Variants in MYO16 observed in about 807,000 individuals in gnomAD.
MYO16 encodes the protein unconventional myosin-XVI.
A neutral mutation model predicts 205.3 loss-of-function variants in MYO16; 94 were observed. That is an observed-to-expected ratio of 0.46 (90% CI 0.39 to 0.54). MYO16 has a LOEUF of 0.54. Among genes scored for constraint, MYO16 ranks in the 20% least tolerant of loss-of-function variants. The pLI is 0.00. For synonymous variants in MYO16, 988 were observed against 954.0 expected (o/e 1.04, Z -0.66); for missense variants, 2,315 against 2,387.5 (o/e 0.97, Z 0.63).
chr13:109,119,140 A>T (rs1265369435), intron 28 of MYO16, among the ~76,000 whole-genome samples: 1 of 152,226 alleles, frequency 6.6e-6, no homozygotes, highest in Non-Finnish European at 1.5e-5. Context: ...CTCCATTTTC[A>T]TATGAAATGG....
At chr13:108,955,580 C>T (rs1453182502) in intron 16 of MYO16, among the ~76,000 whole-genome samples, 2 of 152,152 alleles carry the variant, frequency 1.3e-5, no homozygotes, top group South Asian at 2.1e-4. Flanking sequence ...TCCAGCCAGG[C>T]GCGGTGGCTC....
the MYO16 span, among the ~76,000 whole-genome samples, chr13:108,508,022 T>C: frequency 7.9e-5 from 12 of 152,198 alleles, no homozygotes; most frequent in African/African-American, 2.4e-4. Flanking sequence ...GTTAATATTC[T>C]CTTTTTGTTC....
chr13:109,052,549 A>G (rs1887280179), intron 25 of MYO16, 74 bp downstream of exon 25: 2 of 1,187,474 alleles, frequency 1.7e-6, no homozygotes, highest in Admixed American at 2.3e-5. Context: ...TTTTTAAAAA[A>G]AAGCACAATT....
chr13:108,603,193 G>T (rs767916755), intron 1 of MYO16, among the ~76,000 whole-genome samples: 3 of 152,186 alleles, frequency 2.0e-5, no homozygotes, highest in Non-Finnish European at 4.4e-5. Context: ...TCATGATTGT[G>T]TTGGAGATGA....
intron 32 of MYO16, among the ~76,000 whole-genome samples, chr13:109,161,092 G>A (rs1043243152): frequency 3.3e-5 from 5 of 152,170 alleles, no homozygotes; most frequent in South Asian, 2.1e-4. Flanking sequence ...GTTTATGAGC[G>A]GAGGCTGATG....
chr13:108,910,223 A>C, intron 16 of MYO16, 73 bp downstream of exon 16: 1 of 1,463,276 alleles, frequency 6.8e-7, no homozygotes. Flanking sequence ...GTCTTAAATT[A>C]TCTTCTTACT....
chr13:108,908,379 T>C (rs1018215472), intron 15 of MYO16, among the ~76,000 whole-genome samples: 5 of 152,252 alleles, frequency 3.3e-5, no homozygotes, highest in African/African-American at 9.6e-5. Context: ...ATTAGCTAAA[T>C]TGACCACTTA....
At chr13:108,828,290 G>C (rs1876396306) in intron 9 of MYO16, among the ~76,000 whole-genome samples, 1 of 152,146 alleles carries the variant, frequency 6.6e-6, no homozygotes, top group Non-Finnish European at 1.5e-5. Flanking sequence ...GAAATTGATA[G>C]TGCCTGAACT....
At chr13:109,102,839 A>C (rs1375665385) in intron 28 of MYO16, among the ~76,000 whole-genome samples, 1 of 152,168 alleles carries the variant, frequency 6.6e-6, no homozygotes, top group Non-Finnish European at 1.5e-5. Flanking sequence ...AATTTATTTT[A>C]AATGGGAAAG....
At chr13:108,713,211 T>G (rs1883793485) in intron 3 of MYO16, among the ~76,000 whole-genome samples, 1 of 152,106 alleles carries the variant, frequency 6.6e-6, no homozygotes, top group Admixed American at 6.6e-5. Context: ...TTAAAATATA[T>G]TAGATTCGTG....
intron 2 of MYO16, among the ~76,000 whole-genome samples, chr13:108,699,306 T>C (rs1227145828): frequency 6.6e-6 from 1 of 152,068 alleles, no homozygotes; most frequent in Non-Finnish European, 1.5e-5. Context: ...TCCACAGATA[T>C]TGGCATGGTG....
At chr13:108,805,004 T>C (rs1193147737) in intron 6 of MYO16, among the ~76,000 whole-genome samples, 1 of 152,220 alleles carries the variant, frequency 6.6e-6, no homozygotes, top group Non-Finnish European at 1.5e-5. Context: ...AATTGATTCA[T>C]TCTTGATTCC....
At chr13:108,677,616 T>C (rs376159061) in intron 2 of MYO16, among the ~76,000 whole-genome samples, 4 of 151,886 alleles carry the variant, frequency 2.6e-5, no homozygotes, top group African/African-American at 9.7e-5. Flanking sequence ...CTCTTTATAA[T>C]TAAAAAATTG....
chr13:109,136,660 A>C (rs931329617), intron 31 of MYO16, among the ~76,000 whole-genome samples: 1 of 152,126 alleles, frequency 6.6e-6, no homozygotes, highest in East Asian at 1.9e-4. Flanking sequence ...TACTATTGCT[A>C]AACTTTGTAC....
intron 20 of MYO16, among the ~76,000 whole-genome samples, chr13:108,985,387 T>C (rs1884591976): frequency 6.6e-6 from 1 of 152,180 alleles, no homozygotes; most frequent in South Asian, 2.1e-4. Context: ...CATAATTGGT[T>C]GAACACAAGG....
intron 9 of MYO16, among the ~76,000 whole-genome samples, chr13:108,825,429 GAAACA>G (rs144430565): frequency 0.028 from 4,234 of 151,794 alleles, 185 homozygotes; most frequent in African/African-American, 0.094. Flanking sequence ...ATAAAAAAAA[GAAACA>G]AAACAAAAAC....
At chr13:109,164,754 TA>T in intron 32 of MYO16, 146 bp from the exon 33 acceptor site, 1 of 482,188 alleles carries the variant, frequency 2.1e-6, no homozygotes, top group Non-Finnish European at 3.3e-6. Flanking sequence ...GAATATTATA[TA>T]GGCTACAAAT....
At chr13:108,736,971 T>G (rs1884725401) in intron 4 of MYO16, among the ~76,000 whole-genome samples, 1 of 152,202 alleles carries the variant, frequency 6.6e-6, no homozygotes, top group South Asian at 2.1e-4. Flanking sequence ...TGCTTGAGAT[T>G]TTTGCACATT....
chr13:108,629,704 A>G lies in MYO16; in HGVS notation c.-141A>G. ...TTGAAGCTTTTTGCAGGATCATGGA[A>G]CAGAGCCTCCATGCAATAGTGCATC... On this transcript the variant is annotated 5_prime_UTR_variant, in exon 1 of 35. Coordinates refer to ENST00000457511, the MANE Select transcript of MYO16 (RefSeq NM_001198950.3). 1 of 699,316 alleles carries G rather than the reference A, an allele frequency of 1.4e-6. No individual in the cohort carries two copies. Among genetic ancestry groups the G allele is most frequent in the Admixed American group, 2.4e-5 (1 of 41,830 alleles). 43.3% of individuals were successfully genotyped at this position (699,316 alleles called of 1,614,324 possible).
Sources: gnomAD v4.1 joint callset for allele counts (sites outside exome capture counted in the v4.1 genomes callset) on GRCh38, gnomAD v4.1.1 for gene constraint, MANE v1.5 for transcripts, NCBI Gene and HGNC (gene_info 2026-07-23, HGNC 2026-07-21) for gene names.